RORB: variants seen among roughly 807,000 people sequenced by gnomAD.
The protein encoded by RORB is nuclear receptor ROR-beta.
A neutral mutation model predicts 59.1 loss-of-function variants in RORB; 6 were observed. The ratio of observed to expected loss-of-function variants is 0.10; its 90% CI spans 0.06 to 0.20. RORB has a LOEUF of 0.20. Among genes scored for constraint, RORB ranks in the 10% least tolerant of loss-of-function variants. RORB has a pLI of 1.00. For missense variants in RORB, 320 were observed against 560.5 expected, an observed-to-expected ratio of 0.57 and a Z score of 4.33; for synonymous variants, 215 against 204.5, an observed-to-expected ratio of 1.05 and a Z score of -0.44.
At chr9:74,511,397 A>G (rs1182821298) in intron 1 of RORB, among the ~76,000 whole-genome samples, 2 of 151,980 alleles carry the variant, frequency 1.3e-5, no homozygotes, top group Non-Finnish European at 2.9e-5. Flanking sequence ...GTTAGAAATC[A>G]CCCCTTGATA....
At chr9:74,640,433 CTGTGTGTGTG>C (rs71368671) in intron 3 of RORB, among the ~76,000 whole-genome samples, 2 of 148,434 alleles carry the variant, frequency 1.3e-5, no homozygotes, top group East Asian at 2.0e-4. Flanking sequence ...TCGGCTAATT[CTGTGTGTGTG>C]TGTGTGTGTG....
chr9:74,592,080 A>G (rs1822906380), intron 1 of RORB, among the ~76,000 whole-genome samples: 1 of 152,170 alleles, frequency 6.6e-6, no homozygotes, highest in South Asian at 2.1e-4. Flanking sequence ...CCAAATTTTG[A>G]TAGTTCAGAA....
At chr9:74,596,980 G>A (rs926950312) in intron 1 of RORB, among the ~76,000 whole-genome samples, 3 of 152,088 alleles carry the variant, frequency 2.0e-5, no homozygotes, top group African/African-American at 4.8e-5. Context: ...TTGCTCTCTC[G>A]GCATCCCTTC....
chr9:74,515,913 G>A (rs1035217373), intron 1 of RORB, among the ~76,000 whole-genome samples: 1 of 152,022 alleles, frequency 6.6e-6, no homozygotes, highest in African/African-American at 2.4e-5. Flanking sequence ...TCAGGTGAAA[G>A]GACAGAGGAA....
chr9:74,629,947 A>G (rs1361039130), intron 1 of RORB, among the ~76,000 whole-genome samples: 1 of 152,238 alleles, frequency 6.6e-6, no homozygotes, highest in Non-Finnish European at 1.5e-5. Context: ...AGAAAAGAAA[A>G]GCCGTGGGTT....
In RORB at chr9:74,691,045, T is replaced by C. The variant is rs926680361; in HGVS notation, c.*5427T>C. 2 of 152,224 alleles carry C rather than the reference T, an allele frequency of 1.3e-5. No homozygotes were observed. The highest frequency in any genetic ancestry group is 4.8e-5 in the African/African-American group (2 of 41,464). The allele number at this position is 152,224 out of a possible 1,614,324, so 9.4% of individuals were successfully genotyped here. The stretch of plus-strand genomic sequence containing the variant: ...TCGTGATCATGTAGTCCTCCATTGT[T>C]TGGAAGTGCAGACCATGGATTCCTA... On this transcript the variant is annotated 3_prime_UTR_variant, in exon 10 of 10. Transcript: ENST00000376896.
At chr9:74,650,911 A>T (rs1363045262) in intron 4 of RORB, among the ~76,000 whole-genome samples, 4 of 152,198 alleles carry the variant, frequency 2.6e-5, no homozygotes, top group African/African-American at 9.7e-5. Flanking sequence ...AACATCCAAA[A>T]GGGTGGTGAG....
chr9:74,559,734 T>C (rs1822365728), intron 1 of RORB, among the ~76,000 whole-genome samples: 1 of 152,104 alleles, frequency 6.6e-6, no homozygotes, highest in South Asian at 2.1e-4. Context: ...ACCAAAGAGA[T>C]GAATGCACCT....
At chr9:74,559,406 A>T (rs1396946422) in intron 1 of RORB, among the ~76,000 whole-genome samples, 1 of 152,078 alleles carries the variant, frequency 6.6e-6, no homozygotes, top group Non-Finnish European at 1.5e-5. Flanking sequence ...TGAAAATGAG[A>T]CTGGTATTGC....
chr9:74,542,489 G>A (rs1411747525), intron 1 of RORB, among the ~76,000 whole-genome samples: 1 of 152,070 alleles, frequency 6.6e-6, no homozygotes. Flanking sequence ...GAAAGGCAAG[G>A]AGCTAGAAAA....
intron 1 of RORB, among the ~76,000 whole-genome samples, chr9:74,499,460 G>A (rs1318155754): frequency 6.6e-6 from 1 of 152,164 alleles, no homozygotes; most frequent in Non-Finnish European, 1.5e-5. Flanking sequence ...AGGAGAAGAA[G>A]GAACGGAGAG....
chr9:74,506,031 A>G (rs1351271843), intron 1 of RORB, among the ~76,000 whole-genome samples: 1 of 151,846 alleles, frequency 6.6e-6, no homozygotes. Context: ...TATAATATCC[A>G]TATACATTTG....
chr9:74,527,712 G>A (rs981521583), intron 1 of RORB, among the ~76,000 whole-genome samples: 1 of 151,978 alleles, frequency 6.6e-6, no homozygotes, highest in Admixed American at 6.6e-5. Context: ...TCACATGAAG[G>A]CCAGTGCTCT....
chr9:74,660,095 T>G (rs779308534), intron 4 of RORB, among the ~76,000 whole-genome samples: 7 of 152,110 alleles, frequency 4.6e-5, no homozygotes, highest in Non-Finnish European at 1.0e-4. Context: ...AAAATTTAAT[T>G]TGTTTCCTTG....
chr9:74,639,513 TAA>T (rs879417522), intron 3 of RORB, among the ~76,000 whole-genome samples: 63 of 146,068 alleles, frequency 4.3e-4, no homozygotes, highest in African/African-American at 1.4e-3. Flanking sequence ...AAAAGGGTTT[TAA>T]AAAAAAAAAA....
At chr9:74,669,333 G>C (rs1000043683) in intron 8 of RORB, among the ~76,000 whole-genome samples, 7 of 152,032 alleles carry the variant, frequency 4.6e-5, no homozygotes, top group African/African-American at 1.7e-4. Flanking sequence ...ACAAAAACTA[G>C]CTGGATATGG....
intron 1 of RORB, among the ~76,000 whole-genome samples, chr9:74,628,640 G>C (rs1229425860): frequency 6.6e-6 from 1 of 152,170 alleles, no homozygotes; most frequent in Non-Finnish European, 1.5e-5. Context: ...ATAAGAAAAA[G>C]AGGGCAATGT....
At chr9:74,558,616 A>G (rs1822345769) in intron 1 of RORB, among the ~76,000 whole-genome samples, 1 of 152,108 alleles carries the variant, frequency 6.6e-6, no homozygotes. Flanking sequence ...TTTCCAGTGT[A>G]TTTAGAGAGA....
At chr9:74,640,913 G>A (rs1054013371) in intron 3 of RORB, among the ~76,000 whole-genome samples, 3 of 152,284 alleles carry the variant, frequency 2.0e-5, no homozygotes, top group East Asian at 1.9e-4. Flanking sequence ...TTCAGACTGT[G>A]GGAATCTCTT....
Sources: gnomAD v4.1 joint callset for allele counts (sites outside exome capture counted in the v4.1 genomes callset) on GRCh38, gnomAD v4.1.1 for gene constraint, MANE v1.5 for transcripts, NCBI Gene and HGNC (gene_info 2026-07-23, HGNC 2026-07-21) for gene names.